The following TRPM3 variants were observed in gnomAD, a reference collection of about 807,000 sequenced individuals.
The protein encoded by TRPM3 is transient receptor potential cation channel subfamily M member 3.
Under a neutral mutation model 181.2 loss-of-function variants are expected in TRPM3, and 77 were observed. The ratio of observed to expected loss-of-function variants is 0.42; its 90% CI spans 0.35 to 0.51. The LOEUF is 0.51. Ranked by LOEUF, TRPM3 falls within the 20% of genes least tolerant of loss-of-function variation. The pLI, the probability that TRPM3 is intolerant of heterozygous loss-of-function variation, is 0.01. For missense variants in TRPM3, 1,759 were observed against 2,196.7 expected, an observed-to-expected ratio of 0.80 and a Z score of 3.98; for synonymous variants, 745 against 796.4, an observed-to-expected ratio of 0.94 and a Z score of 1.09.
intron 1 of TRPM3, among the ~76,000 whole-genome samples, chr9:71,251,320 C>T (rs1479153814): frequency 1.3e-5 from 2 of 152,074 alleles, no homozygotes; most frequent in African/African-American, 4.8e-5. Flanking sequence ...ATGTGAACTC[C>T]CCTATCATAG....
chr9:70,966,426 A>G (rs1002802724), intron 1 of TRPM3, among the ~76,000 whole-genome samples: 2 of 152,140 alleles, frequency 1.3e-5, no homozygotes, highest in African/African-American at 4.8e-5. Flanking sequence ...ATTCCATCAT[A>G]AAGACACATG....
intron 7 of TRPM3, among the ~76,000 whole-genome samples, chr9:70,769,829 C>T (rs1202678447): frequency 1.3e-5 from 2 of 152,064 alleles, no homozygotes; most frequent in Non-Finnish European, 2.9e-5. Context: ...GCCTTAAGTT[C>T]TAGAAGAGTG....
intron 1 of TRPM3, among the ~76,000 whole-genome samples, chr9:71,118,649 C>A (rs1011741372): frequency 1.3e-5 from 2 of 152,082 alleles, no homozygotes; most frequent in Admixed American, 1.3e-4. Flanking sequence ...GAGGGCAGGT[C>A]ATATTAGAAC....
At chr9:71,227,625 A>T (rs1180124283) in intron 1 of TRPM3, among the ~76,000 whole-genome samples, 2 of 109,386 alleles carry the variant, frequency 1.8e-5, no homozygotes, top group East Asian at 5.5e-4. Flanking sequence ...GGATCCAAAT[A>T]AAAAAAAATC....
At chr9:70,984,822 C>CA (rs1332708198) in intron 1 of TRPM3, among the ~76,000 whole-genome samples, 1 of 152,178 alleles carries the variant, frequency 6.6e-6, no homozygotes, top group Non-Finnish European at 1.5e-5. Flanking sequence ...TTTAAGAGAA[C>CA]AAATTAATGT....
At chr9:71,353,217 G>A (rs1346978499) in intron 1 of TRPM3, among the ~76,000 whole-genome samples, 2 of 151,988 alleles carry the variant, frequency 1.3e-5, no homozygotes, top group African/African-American at 4.8e-5. Context: ...CCCAACCTGT[G>A]TCAGCATTTC....
chr9:71,220,844 C>G (rs2080197085), intron 1 of TRPM3, among the ~76,000 whole-genome samples: 1 of 152,108 alleles, frequency 6.6e-6, no homozygotes, highest in African/African-American at 2.4e-5. Flanking sequence ...TGACACCATC[C>G]CCTGCCCATC....
chr9:70,874,375 T>C (rs553385426), intron 1 of TRPM3, among the ~76,000 whole-genome samples: 1 of 152,064 alleles, frequency 6.6e-6, no homozygotes, highest in Non-Finnish European at 1.5e-5. Flanking sequence ...GTAGATATTA[T>C]AAAATTCCAG....
chr9:71,032,890 C>G (rs951485778), intron 1 of TRPM3, among the ~76,000 whole-genome samples: 8 of 152,206 alleles, frequency 5.3e-5, no homozygotes, highest in African/African-American at 1.9e-4. Context: ...GAATTACACT[C>G]TATTATTTCC....
intron 5 of TRPM3, among the ~76,000 whole-genome samples, chr9:70,837,967 A>G (rs6560156): frequency 0.53 from 80,398 of 152,032 alleles, 21,879 homozygotes; most frequent in Non-Finnish European, 0.56. Flanking sequence ...TAAAGGGGGT[A>G]TAATACATAC....
chr9:70,974,753 A>T (rs941183883), intron 1 of TRPM3, among the ~76,000 whole-genome samples: 3 of 152,022 alleles, frequency 2.0e-5, no homozygotes, highest in Admixed American at 6.6e-5. Context: ...TAATAAATAA[A>T]ATAACTTATT....
At chr9:71,331,580 C>G (rs1484409767) in intron 1 of TRPM3, among the ~76,000 whole-genome samples, 3 of 150,038 alleles carry the variant, frequency 2.0e-5, no homozygotes, top group Non-Finnish European at 4.4e-5. Context: ...ATGCTTTTTA[C>G]ATTTCTTATC....
chr9:70,543,276 A>G (rs2043966210), intron 25 of TRPM3, among the ~76,000 whole-genome samples: 1 of 152,236 alleles, frequency 6.6e-6, no homozygotes, highest in Non-Finnish European at 1.5e-5. Flanking sequence ...ACAGGCAAGC[A>G]ATGTGAAATA....
chr9:70,600,329 A>C (rs1211740107), intron 20 of TRPM3, among the ~76,000 whole-genome samples: 1 of 152,194 alleles, frequency 6.6e-6, no homozygotes, highest in Non-Finnish European at 1.5e-5. Context: ...AAAAGACTGG[A>C]GGCAGGTCTA....
At chr9:71,251,023 G>A (rs1275473876) in intron 1 of TRPM3, among the ~76,000 whole-genome samples, 1 of 152,150 alleles carries the variant, frequency 6.6e-6, no homozygotes, top group African/African-American at 2.4e-5. Flanking sequence ...ACTGCTTTTT[G>A]GAAGATGGAT....
intron 1 of TRPM3, among the ~76,000 whole-genome samples, chr9:71,041,471 A>G (rs1393441500): frequency 2.0e-5 from 3 of 152,170 alleles, no homozygotes; most frequent in South Asian, 2.1e-4. Context: ...GAGGTACAAC[A>G]TATCAGTGAT....
chr9:70,583,164 G>C (rs1017893003), intron 22 of TRPM3, among the ~76,000 whole-genome samples: 4 of 152,200 alleles, frequency 2.6e-5, no homozygotes, highest in Admixed American at 6.5e-5. Flanking sequence ...AGGGACCTTA[G>C]AGTGTTTTCA....
rs2062593107 is a variant in TRPM3, at chr9:70,615,166, G to A, written c.2526+742C>T. Among the ~76,000 whole-genome samples, 3 of 152,234 alleles carry A rather than the reference G, an allele frequency of 2.0e-5. No homozygotes were observed. In the South Asian group the frequency reaches 6.2e-4, roughly 32 times the overall value. On this transcript the variant is annotated intron_variant, in intron 18 of 25. Transcript: ENST00000677713. ...CCCTTATAGCTTCTGGGTCACTACA[G>A]CAATGGTCATTGGTGGGGGTGGTGA...
At chr9:71,287,348 A>G (rs2085385490) in intron 1 of TRPM3, among the ~76,000 whole-genome samples, 1 of 151,854 alleles carries the variant, frequency 6.6e-6, no homozygotes, top group South Asian at 2.1e-4. Context: ...AGTCTCAGGC[A>G]TTTCAGAATA....
Sources: gnomAD v4.1 joint callset for allele counts (sites outside exome capture counted in the v4.1 genomes callset) on GRCh38, gnomAD v4.1.1 for gene constraint, MANE v1.5 for transcripts, NCBI Gene and HGNC (gene_info 2026-07-23, HGNC 2026-07-21) for gene names.